AGBL1: variants seen among roughly 807,000 people sequenced by gnomAD.
The protein encoded by AGBL1 is AGBL carboxypeptidase 1, also known as cytosolic carboxypeptidase 4.
AGBL1 carries 130 observed loss-of-function variants against 118.9 expected under a neutral mutation model. The ratio of observed to expected loss-of-function variants is 1.09; its 90% CI spans 0.95 to 1.26. AGBL1 has a LOEUF of 1.26. Ranked by LOEUF, AGBL1 falls within the 50% of genes most tolerant of loss-of-function variation. AGBL1 has a pLI of 0.00. For synonymous variants in AGBL1, 555 were observed against 478.9 expected, an observed-to-expected ratio of 1.16 and a Z score of -2.08; for missense variants, 1,584 against 1,298.1, an observed-to-expected ratio of 1.22 and a Z score of -3.38.
At chr15:87,006,461 G>A (rs2081505158) in intron 24 of AGBL1, among the ~76,000 whole-genome samples, 1 of 152,164 alleles carries the variant, frequency 6.6e-6, no homozygotes, top group South Asian at 2.1e-4. Context: ...AGCCATGAGT[G>A]AGGCTCCGTG....
At chr15:86,113,287 CTT>C (rs548790563) in intron 1 of AGBL1, among the ~76,000 whole-genome samples, 12 of 97,378 alleles carry the variant, frequency 1.2e-4, no homozygotes, top group Admixed American at 4.4e-4. Flanking sequence ...TTCTTTCTTT[CTT>C]TTTTTTTTTT....
In AGBL1 at chr15:86,910,360, G is replaced by A. The variant is rs2080333877; in HGVS notation, c.*3066G>A. ...TGAGGAAAGGAGGAGAGTGACAAGAGATGAAATGGAAAAACTAGACAGCAG... is the reference window on the plus strand; with the variant it reads ...TGAGGAAAGGAGGAGAGTGACAAGAAATGAAATGGAAAAACTAGACAGCAG... On this transcript the variant is annotated 3_prime_UTR_variant, in exon 23 of 23. Coordinates refer to ENST00000614907, the MANE Select transcript of AGBL1 (RefSeq NM_001386094.1). 6.6e-6 allele frequency: 1 copy of A among 152,186 alleles called. No individual in the cohort carries two copies. The highest frequency in any genetic ancestry group is 6.5e-5 in the Admixed American group (1 of 15,284). The allele number at this position is 152,186 out of a possible 1,614,324, so 9.4% of individuals were successfully genotyped here.
At chr15:86,279,841 C>T (rs1364348599) in intron 16 of AGBL1, 58 bp downstream of exon 16, 2 of 1,585,298 alleles carry the variant, frequency 1.3e-6, no homozygotes, top group African/African-American at 2.7e-5. Context: ...CTGAGGTTTT[C>T]CTGGGAACAT....
chr15:86,785,975 A>G (rs567301317), intron 22 of AGBL1, among the ~76,000 whole-genome samples: 1 of 152,308 alleles, frequency 6.6e-6, no homozygotes, highest in East Asian at 1.9e-4. Flanking sequence ...TGCTGGTGAC[A>G]TAGGATATAG....
downstream of AGBL1, among the ~76,000 whole-genome samples, chr15:87,030,408 G>A (rs960843092): frequency 2.4e-4 from 37 of 151,962 alleles, no homozygotes; most frequent in African/African-American, 8.9e-4. Context: ...GAACAGGTAA[G>A]TATTTCTTAT....
At chr15:86,976,325 T>C (rs991950535) in intron 23 of AGBL1, among the ~76,000 whole-genome samples, 1 of 151,598 alleles carries the variant, frequency 6.6e-6, no homozygotes, top group African/African-American at 2.4e-5. Flanking sequence ...AATTTTTTAT[T>C]ACAACTTAGA....
intron 22 of AGBL1, among the ~76,000 whole-genome samples, chr15:86,877,764 C>A (rs911583991): frequency 1.3e-5 from 2 of 152,220 alleles, no homozygotes; most frequent in African/African-American, 4.8e-5. Context: ...TTAACAGCTT[C>A]TCTCCGGACA....
intron 22 of AGBL1, among the ~76,000 whole-genome samples, chr15:86,700,305 G>C (rs1006179631): frequency 6.6e-6 from 1 of 151,882 alleles, no homozygotes; most frequent in Non-Finnish European, 1.5e-5. Context: ...CTCTGAGCAA[G>C]TCTTTATTTT....
chr15:86,486,581 A>G (rs2082715446), intron 18 of AGBL1, among the ~76,000 whole-genome samples: 1 of 152,176 alleles, frequency 6.6e-6, no homozygotes, highest in African/African-American at 2.4e-5. Context: ...CAACAGCTGC[A>G]TGAATTAAAG....
At chr15:86,234,994 G>A (rs775820019) in intron 6 of AGBL1, among the ~76,000 whole-genome samples, 1 of 151,998 alleles carries the variant, frequency 6.6e-6, no homozygotes, top group Middle Eastern at 3.2e-3. Context: ...CTGTAAAAGC[G>A]CCAGATGATA....
intron 22 of AGBL1, among the ~76,000 whole-genome samples, chr15:86,796,375 C>G (rs1024227288): frequency 1.3e-5 from 2 of 152,212 alleles, no homozygotes; most frequent in African/African-American, 4.8e-5. Flanking sequence ...AGTAAACTCT[C>G]TGAAACCTGA....
intron 22 of AGBL1, among the ~76,000 whole-genome samples, chr15:86,860,316 T>C (rs2079543434): frequency 6.6e-6 from 1 of 152,126 alleles, no homozygotes; most frequent in Non-Finnish European, 1.5e-5. Context: ...CCATTATCAT[T>C]ATTATTGACT....
At chr15:86,586,771 G>A (rs2084254711) in intron 21 of AGBL1, among the ~76,000 whole-genome samples, 1 of 152,118 alleles carries the variant, frequency 6.6e-6, no homozygotes, top group South Asian at 2.1e-4. Flanking sequence ...TCATAGGAAG[G>A]TTTAGGAGTT....
intron 22 of AGBL1, among the ~76,000 whole-genome samples, chr15:86,903,336 T>A (rs2080237785): frequency 6.6e-6 from 1 of 152,156 alleles, no homozygotes; most frequent in Non-Finnish European, 1.5e-5. Flanking sequence ...TTCTCAACTC[T>A]CCAGTTTCCA....
rs545597783 is a variant in AGBL1 at position 86,363,717 on chromosome 15, T to G, written c.2375-33649T>G. On this transcript the variant is annotated intron_variant, in intron 17 of 22. Coordinates refer to ENST00000614907, the MANE Select transcript of AGBL1 (RefSeq NM_001386094.1). ...GCTCTCAAATTCATTAATTTAGGCC[T>G]GACTTGTCTCCCAAATCCCTGATTC... Among the ~76,000 whole-genome samples, 15 of 152,326 alleles carry G rather than the reference T, an allele frequency of 9.8e-5. No individual in the cohort carries two copies. The South Asian group carries it at 2.5e-3, about 25-fold the overall frequency.
Position 86,911,673 on chromosome 15 carries a change from A to C in AGBL1, c.*4379A>C, listed in dbSNP as rs1312666732. 2 of 152,126 alleles carry C rather than the reference A, an allele frequency of 1.3e-5. No homozygotes were observed. The highest frequency in any genetic ancestry group is 2.9e-5 in the Non-Finnish European group (2 of 68,042). 9.4% of individuals were successfully genotyped at this position (152,126 alleles called of 1,614,324 possible). On this transcript the variant is annotated 3_prime_UTR_variant, in exon 23 of 23. Coordinates refer to ENST00000614907, the MANE Select transcript of AGBL1 (RefSeq NM_001386094.1). ...CACTTCTTAAGCCACACAGCTCCCT[A>C]AATGTACTTTTTGATTTTTCTAACA...
At chr15:86,117,024 A>T (rs1897808952) in intron 1 of AGBL1, among the ~76,000 whole-genome samples, 2 of 151,240 alleles carry the variant, frequency 1.3e-5, no homozygotes, top group Non-Finnish European at 2.9e-5. Context: ...GGTCATCATC[A>T]AAGTCTTGTT....
chr15:86,739,414 G>C (rs566449435), intron 22 of AGBL1, among the ~76,000 whole-genome samples: 99 of 119,824 alleles, frequency 8.3e-4, no homozygotes, highest in African/African-American at 3.0e-3. Flanking sequence ...TTGCACTCCA[G>C]CCTGGGCAAC....
chr15:86,612,876 G>T (rs1188888007), intron 21 of AGBL1, among the ~76,000 whole-genome samples: 1 of 152,128 alleles, frequency 6.6e-6, no homozygotes, highest in African/African-American at 2.4e-5. Context: ...CCCCTTAACT[G>T]ACCTTAACTC....
Sources: gnomAD v4.1 joint callset for allele counts (sites outside exome capture counted in the v4.1 genomes callset) on GRCh38, gnomAD v4.1.1 for gene constraint, MANE v1.5 for transcripts, NCBI Gene and HGNC (gene_info 2026-07-23, HGNC 2026-07-21) for gene names.